ARHGEF18: variants seen among roughly 807,000 people sequenced by gnomAD.
The protein encoded by ARHGEF18 is Rho/Rac guanine nucleotide exchange factor 18, also known as rho guanine nucleotide exchange factor 18.
ARHGEF18 carries 93 observed loss-of-function variants against 155.7 expected under a neutral mutation model. The observed-to-expected ratio is 0.60, with a 90% confidence interval of 0.50 to 0.71. ARHGEF18 has a LOEUF of 0.71. Ranked by LOEUF, ARHGEF18 falls within the 30% of genes least tolerant of loss-of-function variation. The pLI, the probability that ARHGEF18 is intolerant of heterozygous loss-of-function variation, is 0.00. For missense variants in ARHGEF18, 1,593 were observed against 1,816.1 expected, an observed-to-expected ratio of 0.88 and a Z score of 2.23; for synonymous variants, 742 against 753.1, an observed-to-expected ratio of 0.99 and a Z score of 0.24.
At chr19:7,362,179 A>G (rs557963109) in intron 1 of ARHGEF18, among the ~76,000 whole-genome samples, 7 of 116,436 alleles carry the variant, frequency 6.0e-5, no homozygotes, top group South Asian at 5.1e-4. Flanking sequence ...GAAGAAGGAG[A>G]AGAAGGAGAA....
chr19:7,406,765 G>C (rs1316846740), intron 10 of ARHGEF18, among the ~76,000 whole-genome samples: 1 of 152,056 alleles, frequency 6.6e-6, no homozygotes, highest in Non-Finnish European at 1.5e-5. Context: ...TATATTAATA[G>C]TTATAGCCAC....
chr19:7,408,312 A>T (rs1179064417), intron 10 of ARHGEF18, among the ~76,000 whole-genome samples: 6 of 152,172 alleles, frequency 3.9e-5, no homozygotes, highest in Non-Finnish European at 7.4e-5. Context: ...TAAATATTTC[A>T]GGCTTTGCAG....
downstream of ARHGEF18, among the ~76,000 whole-genome samples, chr19:7,473,905 C>T (rs1723066149): frequency 6.6e-6 from 1 of 151,094 alleles, no homozygotes; most frequent in Admixed American, 6.6e-5. Context: ...ATTGCTTGAG[C>T]CTAGGGGTTC....
At chr19:7,358,264 T>C (rs60743186) in intron 1 of ARHGEF18, among the ~76,000 whole-genome samples, 81 of 68,938 alleles carry the variant, frequency 1.2e-3, no homozygotes, top group East Asian at 3.7e-3. Flanking sequence ...CATTCTTCCA[T>C]CCATTCTTCC....
intron 10 of ARHGEF18, among the ~76,000 whole-genome samples, chr19:7,403,529 TTTTC>T (rs374336604): frequency 2.5e-3 from 369 of 148,172 alleles, no homozygotes; most frequent in Non-Finnish European, 3.3e-3. Flanking sequence ...AAACTTAGCT[TTTTC>T]TTTCTTTCTT....
At chr19:7,468,718 T>C in intron 26 of ARHGEF18, 107 bp from the exon 27 acceptor site, 3 of 1,256,752 alleles carry the variant, frequency 2.4e-6, no homozygotes, top group Non-Finnish European at 3.3e-6. Flanking sequence ...CCTGGCTCTG[T>C]CCAGAACAGG....
chr19:7,479,959 C>T, the ARHGEF18 span, among the ~76,000 whole-genome samples: 1 of 152,026 alleles, frequency 6.6e-6, no homozygotes, highest in African/African-American at 2.4e-5. Context: ...GAGCCTAAAA[C>T]TGCTCTAAAA....
intron 10 of ARHGEF18, among the ~76,000 whole-genome samples, chr19:7,385,870 T>TCTC (rs1555704468): frequency 6.8e-5 from 2 of 29,548 alleles, no homozygotes; most frequent in East Asian, 9.5e-4. Flanking sequence ...TCTCTCTCTC[T>TCTC]CCCCCCTCCC....
Position 7,469,004 on chromosome 19 carries a change from C to T in ARHGEF18, c.3660C>T (p.Ser1220=), listed in dbSNP as rs570233598. The change falls in exon 27 of 29, where the codon AGC becomes AGT. Residue 1220 remains serine, a synonymous_variant. Coordinates refer to ENST00000668164, the MANE Select transcript of ARHGEF18 (RefSeq NM_001367823.1). The stretch of plus-strand genomic sequence containing the variant: ...GCGATGTGCCCATCCAGCTGCTCAG[C>T]GCCACCAACCAGTTCCAGAGGCAGG... ...AKSDVPIQLL[S]ATNQFQRQAA... is the part of the protein sequence containing the mutation. 17 of 1,597,292 alleles carry T rather than the reference C, an allele frequency of 1.1e-5. No individual in the cohort carries two copies. The highest frequency in any genetic ancestry group is 6.7e-5 in the African/African-American group (5 of 74,646).
At position 7,470,153 on chromosome 19, in the gene ARHGEF18, C is replaced by A. The variant is rs766327410; in HGVS notation, c.3941C>A (p.Pro1314Gln). ...PDPGFPAPSP[P>Q]PADSPSEGFS... Reference sequence around the variant, plus strand: ...CCTGGCTTCCCCGCCCCGAGCCCACCGCCAGCTGACAGCCCCTCCGAGGGC... The same window carrying A: ...CCTGGCTTCCCCGCCCCGAGCCCACAGCCAGCTGACAGCCCCTCCGAGGGC... Residue 1314 changes from proline (P) to glutamine (Q), a missense_variant, in exon 29 of 29, where the codon CCG becomes CAG. By Grantham distance (76) the Pro-to-Gln change is moderately conservative. Coordinates refer to ENST00000668164, the MANE Select transcript of ARHGEF18 (RefSeq NM_001367823.1). The surrounding 1 kb of genome is among the most constrained non-coding windows in gnomAD (Gnocchi z 5.9). The A allele has an allele frequency of 1.2e-6, 2 of 1,609,206 alleles. No individual in the cohort carries two copies. Among genetic ancestry groups the A allele is most frequent in the Non-Finnish European group, 1.7e-6 (2 of 1,178,120 alleles).
At chr19:7,475,091 G>A (rs1274823597), downstream of ARHGEF18, among the ~76,000 whole-genome samples, 1 of 152,172 alleles carries the variant, frequency 6.6e-6, no homozygotes, top group Non-Finnish European at 1.5e-5. Flanking sequence ...AAATTAGCCA[G>A]GCATGCTTGG....
chr19:7,437,976 C>T (rs940197169), intron 10 of ARHGEF18, among the ~76,000 whole-genome samples: 5 of 149,944 alleles, frequency 3.3e-5, no homozygotes, highest in Admixed American at 2.7e-4. Flanking sequence ...CTTCTCTAAG[C>T]TCCTCTCCTC....
At chr19:7,447,211 C>A in intron 15 of ARHGEF18, 43 bp downstream of exon 15, 2 of 1,544,378 alleles carry the variant, frequency 1.3e-6, no homozygotes, top group Non-Finnish European at 1.7e-6. Context: ...TATATTCTGG[C>A]CGGGCGCAGT....
intron 15 of ARHGEF18, among the ~76,000 whole-genome samples, chr19:7,449,663 C>T (rs572597550): frequency 1.3e-5 from 2 of 152,036 alleles, no homozygotes; most frequent in Admixed American, 6.6e-5. Flanking sequence ...ATAATAACCC[C>T]CTGGCTGGTT....
chr19:7,353,372 T>TGA (rs1568257829), intron 1 of ARHGEF18, among the ~76,000 whole-genome samples: 3 of 151,634 alleles, frequency 2.0e-5, no homozygotes, highest in African/African-American at 7.3e-5. Flanking sequence ...TTGGATCACC[T>TGA]GAGGTCAGGA....
intron 1 of ARHGEF18, among the ~76,000 whole-genome samples, chr19:7,352,062 G>GT (rs1297503820): frequency 6.6e-6 from 1 of 151,912 alleles, no homozygotes; most frequent in Non-Finnish European, 1.5e-5. Context: ...GTTTCTTCTT[G>GT]TTTTTTGGTC....
At chr19:7,430,448 C>T (rs564396936) in intron 10 of ARHGEF18, among the ~76,000 whole-genome samples, 5 of 152,136 alleles carry the variant, frequency 3.3e-5, no homozygotes, top group African/African-American at 1.2e-4. Context: ...AGTGATCCTC[C>T]CGCCTCAGCC....
intron 1 of ARHGEF18, among the ~76,000 whole-genome samples, chr19:7,359,646 T>C (rs1568262443): frequency 6.6e-6 from 1 of 152,038 alleles, no homozygotes; most frequent in Non-Finnish European, 1.5e-5. Context: ...GAATGAATGC[T>C]CAACCAATGA....
At chr19:7,398,418 G>A (rs776586968) in intron 10 of ARHGEF18, among the ~76,000 whole-genome samples, 4 of 151,986 alleles carry the variant, frequency 2.6e-5, no homozygotes, top group Admixed American at 6.6e-5. Context: ...AAAAGAGACC[G>A]GGCACCATGG....
Sources: allele counts gnomAD v4.1 joint callset (sites outside exome capture counted in the v4.1 genomes callset), GRCh38; gene constraint gnomAD v4.1.1; non-coding constraint Gnocchi (gnomAD v3.1); transcripts MANE v1.5; gene names NCBI Gene and HGNC (gene_info 2026-07-23, HGNC 2026-07-21).